The following MRE11 variants were observed in gnomAD, a reference collection of about 807,000 sequenced individuals.
MRE11 encodes MRE11 double strand break repair nuclease.
In MRE11, 62 loss-of-function variants were observed where a neutral mutation model predicts 91.7. The ratio of observed to expected loss-of-function variants is 0.68; its 90% confidence interval spans 0.55 to 0.84. The LOEUF (loss-of-function observed/expected upper bound fraction) is 0.84, where lower values mean the gene tolerates loss of function less well. MRE11 is among the 40% of genes least tolerant of loss of function. The pLI is 0.00. For synonymous variants in MRE11, 273 were observed against 271.4 expected, an observed-to-expected ratio of 1.01 and a Z score of -0.06; for missense variants, 796 against 852.9, an observed-to-expected ratio of 0.93 and a Z score of 0.83.
At position 94,418,455 on chromosome 11, in the gene MRE11, C is replaced by T; in HGVS notation, c.*1670G>A. 4.3e-6 allele frequency: 1 copy of T among 232,128 alleles called. No individual in the cohort carries two copies. Among genetic ancestry groups the T allele is most frequent in the Non-Finnish European group, 8.5e-6 (1 of 117,410 alleles). 14.4% of individuals were successfully genotyped at this position (232,128 alleles called of 1,614,324 possible). ...TTGTCAGGATACTTTAGTGACCATTCCCTCACTATAACTCTCACCCAGACC... is the reference window on the plus strand; with the variant it reads ...TTGTCAGGATACTTTAGTGACCATTTCCTCACTATAACTCTCACCCAGACC... On this transcript the variant is annotated 3_prime_UTR_variant, in exon 20 of 20. Transcript: ENST00000323929.
the MRE11 span, among the ~76,000 whole-genome samples, chr11:94,505,650 G>A: frequency 6.6e-6 from 1 of 152,092 alleles, no homozygotes; most frequent in Non-Finnish European, 1.5e-5. Flanking sequence ...AGAAAAATAT[G>A]TTTGCATAAA....
At chr11:94,421,185 C>T (rs937674467) in intron 19 of MRE11, among the ~76,000 whole-genome samples, 3 of 152,054 alleles carry the variant, frequency 2.0e-5, no homozygotes, top group African/African-American at 7.2e-5. Context: ...GAAGATAAAA[C>T]CAATTCTTAC....
intron 16 of MRE11, among the ~76,000 whole-genome samples, chr11:94,444,136 T>C (rs1274264391): frequency 2.6e-5 from 4 of 152,044 alleles, no homozygotes; most frequent in African/African-American, 7.2e-5. Context: ...TTCGATCTCC[T>C]GAGCTCAGGC....
intron 14 of MRE11, among the ~76,000 whole-genome samples, chr11:94,447,983 A>T (rs1019120690): frequency 1.3e-5 from 2 of 152,164 alleles, no homozygotes; most frequent in Non-Finnish European, 2.9e-5. Flanking sequence ...AAGAAAAATA[A>T]AATTTTACAG....
rs1945119907 is a variant in MRE11, at chr11:94,419,754, A to G, written c.*371T>C. The stretch of plus-strand genomic sequence containing the variant: ...TTCGCATAAATTGTTTTACTTTCAG[A>G]AAACCCAGAACCTCTAGGAAATTAC... On this transcript the variant is annotated 3_prime_UTR_variant, in exon 20 of 20. Coordinates refer to ENST00000323929, the MANE Select transcript of MRE11 (RefSeq NM_005591.4). 1 of 245,460 alleles carries G rather than the reference A, an allele frequency of 4.1e-6. No homozygotes were observed. The highest frequency in any genetic ancestry group is 8.0e-6 in the Non-Finnish European group (1 of 125,638). The allele number at this position is 245,460 out of a possible 1,614,324, so 15.2% of individuals were successfully genotyped here. A position where few individuals can be genotyped will look rare whatever the true frequency, so the allele number is the denominator to read the frequency against.
intron 9 of MRE11, among the ~76,000 whole-genome samples, chr11:94,469,287 C>G (rs573974904): frequency 1.3e-5 from 2 of 152,214 alleles, no homozygotes; most frequent in East Asian, 3.9e-4. Flanking sequence ...TTGATCATCA[C>G]GACCAGTTAG....
chr11:94,464,071 C>G, intron 11 of MRE11, 42 bp downstream of exon 11: 2 of 1,593,098 alleles, frequency 1.3e-6, no homozygotes, highest in Non-Finnish European at 1.7e-6. Context: ...TTCACAAATC[C>G]TATAAGAACA....
the MRE11 span, among the ~76,000 whole-genome samples, chr11:94,506,143 C>T: frequency 6.6e-6 from 1 of 151,902 alleles, no homozygotes; most frequent in Non-Finnish European, 1.5e-5. Flanking sequence ...ATAACCCAAC[C>T]ATCCTGGATT....
At chr11:94,496,829 G>A (rs138799629), upstream of MRE11, 130 of 1,613,980 alleles carry the variant, frequency 8.1e-5, no homozygotes, top group African/African-American at 1.6e-3. Flanking sequence ...AAGTCTTTGG[G>A]TAGGCAATTC....
At chr11:94,459,273 T>C in intron 13 of MRE11, 135 bp downstream of exon 13, 1 of 919,634 alleles carries the variant, frequency 1.1e-6, no homozygotes, top group South Asian at 1.5e-5. Flanking sequence ...CTTCATTTTA[T>C]CATTTCAATT....
chr11:94,449,857 T>C (rs560420754), intron 14 of MRE11, among the ~76,000 whole-genome samples: 4 of 152,322 alleles, frequency 2.6e-5, no homozygotes, highest in East Asian at 1.9e-4. Flanking sequence ...AGAAAAGATA[T>C]AGTAAAAATA....
At chr11:94,441,977 C>CAAAAAAAAAAAA (rs35673778) in intron 16 of MRE11, among the ~76,000 whole-genome samples, 1 of 48,200 alleles carries the variant, frequency 2.1e-5, no homozygotes, top group Non-Finnish European at 4.1e-5. Flanking sequence ...GACTCTGTCT[C>CAAAAAAAAAAAA]AAAAAAAAAA....
chr11:94,437,896 G>A (rs1945665637), intron 16 of MRE11, among the ~76,000 whole-genome samples: 2 of 151,956 alleles, frequency 1.3e-5, no homozygotes, highest in Non-Finnish European at 2.9e-5. Context: ...AGGCTGAGGC[G>A]GGCGGATCAC....
intron 12 of MRE11, 25 bp from the exon 13 acceptor site, chr11:94,459,606 C>T: frequency 1.2e-6 from 2 of 1,608,642 alleles, no homozygotes; most frequent in Non-Finnish European, 1.7e-6. Context: ...TCACTGGATG[C>T]AGAAATAGTT....
At chr11:94,488,754 C>T (rs1258864394) in intron 3 of MRE11, among the ~76,000 whole-genome samples, 8 of 151,962 alleles carry the variant, frequency 5.3e-5, no homozygotes, top group African/African-American at 1.7e-4. Flanking sequence ...AAGACATGGA[C>T]ACAAAGAGGG....
In MRE11 at chr11:94,445,844, A is replaced by C. The variant is rs759870397; in HGVS notation, c.1833T>G (p.Ala611=). Residue 611 remains alanine (A), a synonymous_variant, in exon 16 of 20, where the codon GCT becomes GCG. Coordinates refer to ENST00000323929, the MANE Select transcript of MRE11 (RefSeq NM_005591.4). The stretch of plus-strand genomic sequence containing the variant: ...TAGACATATTTCTAGATGCTGACAC[A>C]GCAGTCTTTGAGTTCCTGCTACGGG... ...TSTRSRNSKT[A]VSASRNMSII... The C allele has an allele frequency of 6.2e-7, 1 of 1,613,798 alleles. No individual in the cohort carries two copies. The highest frequency in any genetic ancestry group is 8.5e-7 in the Non-Finnish European group (1 of 1,179,678).
the MRE11 span, among the ~76,000 whole-genome samples, chr11:94,506,968 AT>A: frequency 5.0e-3 from 759 of 152,032 alleles, 7 homozygotes; most frequent in African/African-American, 0.017. Flanking sequence ...ATTTTTAGAC[AT>A]TTTTTTCTAA....
In MRE11 at chr11:94,417,472, A is replaced by T. The variant is rs887313146; in HGVS notation, c.*2653T>A. On this transcript the variant is annotated 3_prime_UTR_variant, in exon 20 of 20. Transcript: ENST00000323929. The stretch of plus-strand genomic sequence containing the variant: ...AAGGCTAATTATGGTATTACTGCAT[A>T]GGTTTAGTATTAATGCATATGTTCT... The T allele has an allele frequency of 4.3e-6, 1 of 232,876 alleles. No homozygotes were observed. The highest frequency in any genetic ancestry group is 8.5e-6 in the Non-Finnish European group (1 of 117,916). The allele number at this position is 232,876 out of a possible 1,614,324, so 14.4% of individuals were successfully genotyped here.
At chr11:94,494,871 A>T (rs1222220696), upstream of MRE11, among the ~76,000 whole-genome samples, 1 of 152,210 alleles carries the variant, frequency 6.6e-6, no homozygotes, top group East Asian at 1.9e-4. Context: ...ATTTATTAGC[A>T]TCTGTTAAGT....
Sources: allele counts gnomAD v4.1 joint callset (sites outside exome capture counted in the v4.1 genomes callset), GRCh38; gene constraint gnomAD v4.1.1; transcripts MANE v1.5; gene names NCBI Gene and HGNC (gene_info 2026-07-23, HGNC 2026-07-21).